Variants in EIF2AK2 observed in about 807,000 individuals in gnomAD.
EIF2AK2 encodes the protein eukaryotic translation initiation factor 2 alpha kinase 2.
EIF2AK2 carries 40 observed loss-of-function variants against 70.5 expected under a neutral mutation model. The observed-to-expected ratio is 0.57, with a 90% CI of 0.44 to 0.74. The LOEUF (loss-of-function observed/expected upper bound fraction) is 0.74, where lower values mean the gene tolerates loss of function less well. EIF2AK2 is among the 30% of genes least tolerant of loss of function. EIF2AK2 has a pLI of 0.00. For synonymous variants in EIF2AK2, 198 were observed against 220.9 expected, an observed-to-expected ratio of 0.90 and a Z score of 0.92; for missense variants, 555 against 644.3, an observed-to-expected ratio of 0.86 and a Z score of 1.50.
intron 1 of EIF2AK2, among the ~76,000 whole-genome samples, chr2:37,155,641 A>G (rs1482683457): frequency 6.6e-6 from 1 of 152,234 alleles, no homozygotes; most frequent in Non-Finnish European, 1.5e-5. Context: ...CTCATCTGGA[A>G]GAAACCTCCA....
At chr2:37,109,114 C>G (rs1427327149) in intron 15 of EIF2AK2, 80 bp downstream of exon 15, 1 of 1,284,368 alleles carries the variant, frequency 7.8e-7, no homozygotes, top group African/African-American at 1.5e-5. Flanking sequence ...CACGTGAGGG[C>G]AAGAACTGTC....
chr2:37,102,816 C>T lies in EIF2AK2; in HGVS notation c.*4457G>A, dbSNP rs1673858908. The T allele has an allele frequency of 6.6e-6, 1 of 152,024 alleles. No homozygotes were observed. Among genetic ancestry groups the T allele is most frequent in the Admixed American group, 6.6e-5 (1 of 15,262 alleles). 9.4% of individuals were successfully genotyped at this position (152,024 alleles called of 1,614,324 possible). On this transcript the variant is annotated 3_prime_UTR_variant, in exon 17 of 17. Coordinates refer to ENST00000233057, the MANE Select transcript of EIF2AK2 (RefSeq NM_001135651.3). Reference sequence around the variant, plus strand: ...TACCACATACCCACATGTATATATGCATATATTGTGTACATATGTATATAC... The same window carrying T: ...TACCACATACCCACATGTATATATGTATATATTGTGTACATATGTATATAC...
At chr2:37,141,939 T>C (rs1350125874) in intron 4 of EIF2AK2, among the ~76,000 whole-genome samples, 1 of 152,210 alleles carries the variant, frequency 6.6e-6, no homozygotes, top group South Asian at 2.1e-4. Flanking sequence ...TGTTTGTCCT[T>C]GGAAAGTACT....
chr2:37,153,137 T>A (rs945212997), intron 1 of EIF2AK2, among the ~76,000 whole-genome samples: 20 of 151,726 alleles, frequency 1.3e-4, no homozygotes, highest in Non-Finnish European at 2.6e-4. Context: ...TTTTTTTTTA[T>A]GTTTTAAAAT....
At chr2:37,113,768 A>T (rs909976549) in intron 14 of EIF2AK2, among the ~76,000 whole-genome samples, 2 of 152,196 alleles carry the variant, frequency 1.3e-5, no homozygotes, top group Admixed American at 1.3e-4. Flanking sequence ...ATACAAACTA[A>T]AATAGCAAGA....
rs1673916584 is a variant in EIF2AK2, at chr2:37,104,886, C to T, written c.*2387G>A. On this transcript the variant is annotated 3_prime_UTR_variant, in exon 17 of 17. Transcript: ENST00000233057. The stretch of plus-strand genomic sequence containing the variant: ...AGGGGCATAATGTTAGGGTGTTCCA[C>T]CTTGGGTGATGCTAAATTGAATCAC... The T allele has an allele frequency of 6.6e-6, 1 of 152,154 alleles. No homozygotes were observed. Among genetic ancestry groups the T allele is most frequent in the Non-Finnish European group, 1.5e-5 (1 of 68,040 alleles). The allele number at this position is 152,154 out of a possible 1,614,324, so 9.4% of individuals were successfully genotyped here.
At chr2:37,137,618 T>C (rs953850968) in intron 8 of EIF2AK2, among the ~76,000 whole-genome samples, 4 of 152,224 alleles carry the variant, frequency 2.6e-5, no homozygotes, top group Admixed American at 1.3e-4. Flanking sequence ...TAAAAAATTA[T>C]CTGATTTCAA....
chr2:37,153,791 T>C (rs13421814), intron 1 of EIF2AK2, among the ~76,000 whole-genome samples: 4,419 of 152,280 alleles, frequency 0.029, 83 homozygotes, highest in Non-Finnish European at 0.033. Flanking sequence ...CTGTGAACAC[T>C]GGTATACATA....
rs1032680095 is a variant in EIF2AK2, at chr2:37,101,447, C to G, written c.*5826G>C. On this transcript the variant is annotated 3_prime_UTR_variant, in exon 17 of 17. Transcript: ENST00000233057. ...CATCAGGTGAAAGATTGATGAGAAA[C>G]TTTGTAGTAGTTGGTACCACCAGAA... The G allele has an allele frequency of 6.6e-6, 1 of 152,170 alleles. No homozygotes were observed. The highest frequency in any genetic ancestry group is 1.5e-5 in the Non-Finnish European group (1 of 68,034). 9.4% of individuals were successfully genotyped at this position (152,170 alleles called of 1,614,324 possible). A position where few individuals can be genotyped will look rare whatever the true frequency, so the allele number is the denominator to read the frequency against.
chr2:37,131,188 T>A (rs543347168), intron 10 of EIF2AK2, among the ~76,000 whole-genome samples: 1 of 152,336 alleles, frequency 6.6e-6, no homozygotes, highest in East Asian at 1.9e-4. Flanking sequence ...ATGCTTTCTG[T>A]CACCTAAAAT....
rs773100266 is a variant in EIF2AK2, at chr2:37,126,360, G to A, written c.837C>T (p.Gly279=). 1 of 1,611,778 alleles carries A rather than the reference G, an allele frequency of 6.2e-7. No homozygotes were observed. The highest frequency in any genetic ancestry group is 1.7e-5 in the Admixed American group (1 of 59,454). The change falls in exon 11 of 17, where the codon GGC becomes GGT. Residue 279 remains glycine, a synonymous_variant. Transcript: ENST00000233057. The stretch of plus-strand genomic sequence containing the variant: ...TTCTGTGTTTTGCTTTGAAAACTTG[G>A]CCAAATCCACCTGAGCCAATTAATT... ...EIELIGSGGF[G]QVFKAKHRID... is the part of the protein sequence containing the mutation.
chr2:37,144,652 C>T (rs1675462650), intron 4 of EIF2AK2, among the ~76,000 whole-genome samples: 1 of 149,726 alleles, frequency 6.7e-6, no homozygotes, highest in South Asian at 2.1e-4. Flanking sequence ...CAGAAGATCA[C>T]AGCTCACTGC....
intron 1 of EIF2AK2, 89 bp from the exon 2 acceptor site, chr2:37,149,112 A>G (rs1675656150): frequency 4.5e-6 from 4 of 894,032 alleles, no homozygotes; most frequent in Non-Finnish European, 7.6e-6. Context: ...GGTCTATGAT[A>G]GCCAGGGTCT....
intron 10 of EIF2AK2, among the ~76,000 whole-genome samples, chr2:37,133,717 T>C (rs1675028577): frequency 6.6e-6 from 1 of 152,248 alleles, no homozygotes; most frequent in African/African-American, 2.4e-5. Context: ...GAAATTCACC[T>C]AAGCAGCTAT....
chr2:37,126,994 A>AAAAAAAAAC (rs1674760012), intron 10 of EIF2AK2, among the ~76,000 whole-genome samples: 2 of 120,800 alleles, frequency 1.7e-5, no homozygotes, highest in African/African-American at 3.1e-5. Context: ...AAAAAAAAAA[A>AAAAAAAAAC]AAAAAAGCCA....
At chr2:37,124,237 G>C (rs1362669258) in intron 11 of EIF2AK2, among the ~76,000 whole-genome samples, 2 of 152,014 alleles carry the variant, frequency 1.3e-5, no homozygotes, top group Admixed American at 1.3e-4. Flanking sequence ...CAAAGTGGTA[G>C]GATTACAGGC....
At position 37,100,970 on chromosome 2, in the gene EIF2AK2, G is replaced by A. The variant is rs531561715; in HGVS notation, c.*6303C>T. 9 of 152,308 alleles carry A rather than the reference G, an allele frequency of 5.9e-5. No homozygotes were observed. Among genetic ancestry groups the A allele is most frequent in the African/African-American group, 2.2e-4 (9 of 41,570 alleles). 9.4% of individuals were successfully genotyped at this position (152,308 alleles called of 1,614,324 possible). A position where few individuals can be genotyped will look rare whatever the true frequency, so the allele number is the denominator to read the frequency against. On this transcript the variant is annotated 3_prime_UTR_variant, in exon 17 of 17. Transcript: ENST00000233057. Reference sequence around the variant, plus strand: ...GACTGAGACTTGTATTTACTTGAATGGCATCAGAATCCTGCTACTAACCTT... The same window carrying A: ...GACTGAGACTTGTATTTACTTGAATAGCATCAGAATCCTGCTACTAACCTT...
chr2:37,136,979 T>G lies in EIF2AK2; in HGVS notation c.722+4A>C. On this transcript the variant is annotated splice_donor_region_variant and intron_variant, in intron 9 of 16. Transcript: ENST00000233057. Reference sequence around the variant, plus strand: ...AAATATGTTCAATGCATAATGATACTCACCTTTTTGCCTTCCTTTGATTAT... The same window carrying G: ...AAATATGTTCAATGCATAATGATACGCACCTTTTTGCCTTCCTTTGATTAT... 1 of 1,602,186 alleles carries G rather than the reference T, an allele frequency of 6.2e-7. No individual in the cohort carries two copies. Among genetic ancestry groups the G allele is most frequent in the Non-Finnish European group, 8.5e-7 (1 of 1,175,980 alleles).
intron 10 of EIF2AK2, among the ~76,000 whole-genome samples, chr2:37,132,239 G>C (rs1477690610): frequency 1.3e-5 from 2 of 151,486 alleles, no homozygotes; most frequent in African/African-American, 4.9e-5. Flanking sequence ...CTCACAGCGG[G>C]GGCACAATTC....
Sources: gnomAD v4.1 joint callset for allele counts (sites outside exome capture counted in the v4.1 genomes callset) on GRCh38, gnomAD v4.1.1 for gene constraint, MANE v1.5 for transcripts, NCBI Gene and HGNC (gene_info 2026-07-23, HGNC 2026-07-21) for gene names.